CDH22: variants seen among roughly 807,000 people sequenced by gnomAD.
The protein encoded by CDH22 is cadherin-22.
In CDH22, 30 loss-of-function variants were observed where a neutral mutation model predicts 58.4. That is an observed-to-expected ratio of 0.51 (90% confidence interval 0.38 to 0.70). The LOEUF (loss-of-function observed/expected upper bound fraction) is 0.70. Ranked by LOEUF, CDH22 falls within the 30% of genes least tolerant of loss-of-function variation. CDH22 has a pLI of 0.00. For missense variants in CDH22, 1,014 were observed against 1,233.9 expected (o/e 0.82, Z 2.67); for synonymous variants, 513 against 558.2 (o/e 0.92, Z 1.14).
intron 6 of CDH22, among the ~76,000 whole-genome samples, chr20:46,212,173 G>A (rs1478118753): frequency 6.6e-6 from 1 of 152,230 alleles, no homozygotes; most frequent in Non-Finnish European, 1.5e-5. Context: ...GGAAGGCAGA[G>A]CTCAGGCTGA....
chr20:46,247,485 T>C (rs933606892), intron 2 of CDH22, among the ~76,000 whole-genome samples: 1 of 152,176 alleles, frequency 6.6e-6, no homozygotes, highest in Non-Finnish European at 1.5e-5. Context: ...CCAAACAATA[T>C]AGTATAACAA....
intron 7 of CDH22, among the ~76,000 whole-genome samples, chr20:46,200,694 G>A (rs900690721): frequency 4.6e-5 from 7 of 152,202 alleles, no homozygotes; most frequent in African/African-American, 1.2e-4. Flanking sequence ...CGCGGCGGCT[G>A]AGAATTATCC....
intron 3 of CDH22, among the ~76,000 whole-genome samples, chr20:46,230,451 T>C (rs976514102): frequency 6.6e-6 from 1 of 152,170 alleles, no homozygotes; most frequent in Non-Finnish European, 1.5e-5. Flanking sequence ...GTGGCTCTCG[T>C]GAGCTGGTAC....
chr20:46,187,344 A>G (rs1375104326), intron 8 of CDH22, among the ~76,000 whole-genome samples: 4 of 151,662 alleles, frequency 2.6e-5, no homozygotes, highest in African/African-American at 4.9e-5. Flanking sequence ...TACCAATACC[A>G]CTATTTGCAT....
At chr20:46,207,993 G>C (rs148691371) in intron 7 of CDH22, among the ~76,000 whole-genome samples, 1 of 152,370 alleles carries the variant, frequency 6.6e-6, no homozygotes, top group East Asian at 1.9e-4. Context: ...AATCCTGATA[G>C]AGCCATTCAG....
At position 46,174,886 on chromosome 20, in the gene CDH22, C is replaced by T; in HGVS notation, c.2107G>A (p.Gly703Ser). ...CCCGCTCCCCCGCCCGCGCTGCCGC[C>T]CCCGTCGCCGCCCTTGAGCTCGCCG... is the stretch of plus-strand genomic sequence containing the variant. ...DFGELKGGDG[G>S]GSAGGGAGGG... The change falls in exon 12 of 12, where the codon GGC (glycine) becomes AGC (serine). Residue 703 changes from glycine (G) to serine (S), a missense_variant. This residue lies in a region of CDH22 where 208 missense variants were observed against 195.2 expected (regional missense o/e 1.07). Transcript: ENST00000537909. The surrounding 1 kb of genome is among the most constrained non-coding windows in gnomAD (Gnocchi z 4.4). 7.1e-7 allele frequency: 1 copy of T among 1,407,976 alleles called. No individual in the cohort carries two copies. The highest frequency in any genetic ancestry group is 9.3e-7 in the Non-Finnish European group (1 of 1,077,506). The allele number at this position is 1,407,976 out of a possible 1,614,324, so 87.2% of individuals were successfully genotyped here.
chr20:46,256,162 C>T (rs973666582), intron 1 of CDH22, among the ~76,000 whole-genome samples: 3 of 152,202 alleles, frequency 2.0e-5, no homozygotes, highest in Non-Finnish European at 2.9e-5. Flanking sequence ...TGAGTTTCCA[C>T]TCTGTGTTGT....
chr20:46,200,818 G>A (rs1489361016), intron 7 of CDH22, among the ~76,000 whole-genome samples: 1 of 152,172 alleles, frequency 6.6e-6, no homozygotes, highest in Non-Finnish European at 1.5e-5. Context: ...GGGGAATTTT[G>A]AGCAGGGGAG....
At chr20:46,187,069 AG>A in intron 8 of CDH22, 122 bp from the exon 9 acceptor site, 1 of 989,170 alleles carries the variant, frequency 1.0e-6, no homozygotes, top group Non-Finnish European at 1.5e-6. Context: ...GGGTTAACCA[AG>A]CTGGTACAAG....
At chr20:46,277,035 T>A (rs2086521728) in intron 1 of CDH22, among the ~76,000 whole-genome samples, 1 of 151,830 alleles carries the variant, frequency 6.6e-6, no homozygotes, top group Non-Finnish European at 1.5e-5. Context: ...ATGCCTGTAA[T>A]CCCAGAACTT....
intron 1 of CDH22, among the ~76,000 whole-genome samples, chr20:46,264,869 TGCGCACACACACACACCGTGC>T (rs2086450828): frequency 6.8e-6 from 1 of 147,278 alleles, no homozygotes; most frequent in Non-Finnish European, 1.5e-5. Flanking sequence ...ACACACACCG[TGCGCACACACACACACCGTGC>T]GCGCACACAC....
chr20:46,288,681 A>G (rs1464817015), intron 1 of CDH22, among the ~76,000 whole-genome samples: 1 of 152,088 alleles, frequency 6.6e-6, no homozygotes, highest in African/African-American at 2.4e-5. Flanking sequence ...GTAACTGGCA[A>G]CTCCATGCTT....
chr20:46,278,165 T>C (rs370407443), intron 1 of CDH22, among the ~76,000 whole-genome samples: 1 of 152,046 alleles, frequency 6.6e-6, no homozygotes, highest in East Asian at 1.9e-4. Context: ...CCTGGGCTCC[T>C]AGGCACTCCC....
chr20:46,280,053 G>A (rs1287066848), intron 1 of CDH22, among the ~76,000 whole-genome samples: 2 of 152,190 alleles, frequency 1.3e-5, no homozygotes, highest in Non-Finnish European at 2.9e-5. Context: ...TCATGGGGAC[G>A]AGTTGGGAGT....
chr20:46,187,803 A>G (rs2085837288), intron 8 of CDH22, among the ~76,000 whole-genome samples: 1 of 152,026 alleles, frequency 6.6e-6, no homozygotes, highest in Non-Finnish European at 1.5e-5. Context: ...GAGCATCTAC[A>G]TTCATTATTT....
In CDH22 at chr20:46,216,738, C is replaced by G. The variant is rs1670564459; in HGVS notation, c.838+88G>C. 7 of 1,288,150 alleles carry G rather than the reference C, an allele frequency of 5.4e-6. No individual in the cohort carries two copies. The highest frequency in any genetic ancestry group is 7.7e-6 in the Non-Finnish European group (7 of 911,744). The allele number at this position is 1,288,150 out of a possible 1,614,324, so 79.8% of individuals were successfully genotyped here. ...GGAAGCCCTTCTTTTGGTGGGAAGTCTAAAGGGAAGCTGGGGTCAGCAGGT... is the reference window on the plus strand; with the variant it reads ...GGAAGCCCTTCTTTTGGTGGGAAGTGTAAAGGGAAGCTGGGGTCAGCAGGT... On this transcript the variant is annotated intron_variant, in intron 5 of 11. Transcript: ENST00000537909. This position sits in a 1 kb window ranked among gnomAD's most constrained non-coding sequence, Gnocchi z 5.3.
chr20:46,212,858 T>C lies in CDH22; in HGVS notation c.1032+137A>G, dbSNP rs1250063368. On this transcript the variant is annotated intron_variant, in intron 6 of 11. Transcript: ENST00000537909. The stretch of plus-strand genomic sequence containing the variant: ...AGGGGAATGATACCATCAGTGTTTT[T>C]CCAGGTTGGTCCTGGACCTCTAGAG... 4.5e-5 allele frequency: 30 copies of C among 673,906 alleles called. No homozygotes were observed. The East Asian group carries it at 8.1e-4, about 18-fold the overall frequency. The allele number at this position is 673,906 out of a possible 1,614,324, so 41.7% of individuals were successfully genotyped here.
chr20:46,283,312 A>G (rs2086559247), intron 1 of CDH22, among the ~76,000 whole-genome samples: 1 of 152,184 alleles, frequency 6.6e-6, no homozygotes, highest in African/African-American at 2.4e-5. Flanking sequence ...CATGAGCTCC[A>G]GAATTACACA....
chr20:46,193,031 G>A (rs62214460), intron 8 of CDH22, among the ~76,000 whole-genome samples: 5 of 151,990 alleles, frequency 3.3e-5, no homozygotes, highest in African/African-American at 9.7e-5. Flanking sequence ...TTGGGGGGAC[G>A]TTTATTCCTC....
Sources: allele counts gnomAD v4.1 joint callset (sites outside exome capture counted in the v4.1 genomes callset), GRCh38; gene constraint gnomAD v4.1.1; regional missense constraint gnomAD v4.1.1; non-coding constraint Gnocchi (gnomAD v3.1); transcripts MANE v1.5; gene names NCBI Gene and HGNC (gene_info 2026-07-23, HGNC 2026-07-21).